SAMTOR: variants seen among roughly 807,000 people sequenced by gnomAD.
SAMTOR encodes S-adenosylmethionine sensor upstream of mTORC1, also known as UPF0532 protein C7orf60.
At chr7:112,894,244 G>A in the SAMTOR span, among the ~76,000 whole-genome samples, 12 of 152,146 alleles carry the variant, frequency 7.9e-5, no homozygotes, top group South Asian at 2.1e-4. Context: ...CAGTGGATCC[G>A]TGGAGCAGTT....
chr7:112,875,438 A>G, the SAMTOR span, among the ~76,000 whole-genome samples: 1 of 152,120 alleles, frequency 6.6e-6, no homozygotes, highest in African/African-American at 2.4e-5. Context: ...TCTTCTTCTA[A>G]GCTCTCTCCA....
chr7:112,921,845 C>T, the SAMTOR span, among the ~76,000 whole-genome samples: 6 of 146,244 alleles, frequency 4.1e-5, no homozygotes, highest in East Asian at 4.1e-4. Flanking sequence ...AAAATGCTCA[C>T]CATCACTGGC....
the SAMTOR span, among the ~76,000 whole-genome samples, chr7:112,912,746 A>C: frequency 6.6e-6 from 1 of 151,974 alleles, no homozygotes; most frequent in Admixed American, 6.6e-5. Context: ...TATGACCTAA[A>C]TTCCTAATGA....
the SAMTOR span, among the ~76,000 whole-genome samples, chr7:112,840,898 A>G: frequency 6.6e-6 from 1 of 151,784 alleles, no homozygotes; most frequent in African/African-American, 2.4e-5. Flanking sequence ...CATGCTAAAA[A>G]CTCTCAATAA....
the SAMTOR span, among the ~76,000 whole-genome samples, chr7:112,866,952 G>A: frequency 1.8e-4 from 27 of 152,232 alleles, no homozygotes; most frequent in South Asian, 5.4e-3. Flanking sequence ...AAACAAACTG[G>A]GGAAGACATT....
chr7:112,914,118 T>A, the SAMTOR span, among the ~76,000 whole-genome samples: 6,410 of 152,172 alleles, frequency 0.042, 355 homozygotes, highest in African/African-American at 0.12. Context: ...ATTTGTTGAA[T>A]GAATGAAATA....
At chr7:112,896,870 G>A in the SAMTOR span, among the ~76,000 whole-genome samples, 3 of 152,196 alleles carry the variant, frequency 2.0e-5, no homozygotes, top group Non-Finnish European at 2.9e-5. Context: ...GTAAAGTAGA[G>A]TGGAAACTTT....
chr7:112,912,448 T>A, the SAMTOR span, among the ~76,000 whole-genome samples: 2 of 152,078 alleles, frequency 1.3e-5, no homozygotes, highest in Non-Finnish European at 2.9e-5. Flanking sequence ...CATATTCCCA[T>A]AAGTTTTAAG....
At chr7:112,843,821 C>T in the SAMTOR span, among the ~76,000 whole-genome samples, 1 of 151,862 alleles carries the variant, frequency 6.6e-6, no homozygotes, top group Admixed American at 6.6e-5. Context: ...GATACCAAAC[C>T]TGGCAAAGAA....
At chr7:112,821,686 A>G in the SAMTOR span, 1 of 1,472,162 alleles carries the variant, frequency 6.8e-7, no homozygotes, top group South Asian at 1.4e-5. Flanking sequence ...TAGTATTTCC[A>G]ATTGGTGTAA....
At chr7:112,914,463 TACC>T in the SAMTOR span, among the ~76,000 whole-genome samples, 1 of 152,086 alleles carries the variant, frequency 6.6e-6, no homozygotes, top group African/African-American at 2.4e-5. Context: ...CTTATAATTT[TACC>T]ACATTAAGAG....
the SAMTOR span, among the ~76,000 whole-genome samples, chr7:112,877,930 G>A: frequency 6.6e-6 from 1 of 152,102 alleles, no homozygotes; most frequent in African/African-American, 2.4e-5. Context: ...GAGCAATGTT[G>A]ATGTTATGCT....
chr7:112,828,381 T>C, the SAMTOR span, among the ~76,000 whole-genome samples: 1 of 152,136 alleles, frequency 6.6e-6, no homozygotes. Flanking sequence ...CTGGCAATCT[T>C]TGGTGGTCTT....
the SAMTOR span, chr7:112,895,869 C>A: frequency 1.7e-6 from 1 of 571,734 alleles, no homozygotes; most frequent in Middle Eastern, 5.0e-4. Context: ...AAATGTCAAA[C>A]TGAGATAAAT....
chr7:112,831,513 G>T, the SAMTOR span, among the ~76,000 whole-genome samples: 1 of 152,100 alleles, frequency 6.6e-6, no homozygotes, highest in Non-Finnish European at 1.5e-5. Context: ...AAAGTTAGCT[G>T]GGCGTGGTGG....
chr7:112,916,838 T>C, the SAMTOR span, among the ~76,000 whole-genome samples: 8 of 152,302 alleles, frequency 5.3e-5, no homozygotes, highest in Non-Finnish European at 7.4e-5. Context: ...GTCTCGCTGA[T>C]TGCTAGCACA....
chr7:112,895,218 T>C, the SAMTOR span, among the ~76,000 whole-genome samples: 1 of 151,274 alleles, frequency 6.6e-6, no homozygotes, highest in African/African-American at 2.4e-5. Flanking sequence ...ACATTATAAC[T>C]ATATAATACT....
the SAMTOR span, among the ~76,000 whole-genome samples, chr7:112,921,675 A>C: frequency 6.9e-6 from 1 of 145,940 alleles, no homozygotes; most frequent in South Asian, 2.3e-4. Context: ...ACAAAATGGA[A>C]GAAAATTTTC....
At chr7:112,894,865 T>G in the SAMTOR span, among the ~76,000 whole-genome samples, 1 of 152,214 alleles carries the variant, frequency 6.6e-6, no homozygotes, top group African/African-American at 2.4e-5. Flanking sequence ...CTTGCTTGAC[T>G]CAGGGTTGCC....
Sources: allele counts gnomAD v4.1 joint callset (sites outside exome capture counted in the v4.1 genomes callset), GRCh38; gene constraint gnomAD v4.1.1; transcripts MANE v1.5; gene names NCBI Gene and HGNC (gene_info 2026-07-23, HGNC 2026-07-21).